The following ARB2A variants were observed in gnomAD, a reference collection of about 807,000 sequenced individuals.
The protein encoded by ARB2A is cotranscriptional regulator ARB2A.
At chr5:93,711,135 A>G in the ARB2A span, among the ~76,000 whole-genome samples, 1 of 152,092 alleles carries the variant, frequency 6.6e-6, no homozygotes, top group Admixed American at 6.5e-5. Context: ...TTTGGGAGAA[A>G]ACAAAATAAA....
the ARB2A span, chr5:94,053,213 T>C: frequency 4.5e-6 from 7 of 1,541,744 alleles, no homozygotes; most frequent in South Asian, 7.3e-5. Flanking sequence ...TCCAAATCTA[T>C]CCTAGATAAT....
the ARB2A span, among the ~76,000 whole-genome samples, chr5:93,908,772 T>C: frequency 6.6e-6 from 1 of 150,934 alleles, no homozygotes; most frequent in South Asian, 2.1e-4. Context: ...AAAGAGATTA[T>C]TAAAACAAAA....
the ARB2A span, among the ~76,000 whole-genome samples, chr5:93,665,496 T>G: frequency 5.9e-5 from 9 of 152,208 alleles, no homozygotes; most frequent in East Asian, 1.7e-3. Context: ...AAGCATAATG[T>G]AGAAGAAAGA....
the ARB2A span, among the ~76,000 whole-genome samples, chr5:93,894,768 G>A: frequency 1.3e-5 from 2 of 152,092 alleles, no homozygotes; most frequent in African/African-American, 2.4e-5. Flanking sequence ...GCTGAGAGCC[G>A]TGCAAAGCAA....
chr5:94,024,858 T>C, the ARB2A span, among the ~76,000 whole-genome samples: 1 of 152,028 alleles, frequency 6.6e-6, no homozygotes, highest in South Asian at 2.1e-4. Flanking sequence ...TAAAACAGCA[T>C]GATAAACTAA....
At chr5:94,001,904 T>C in the ARB2A span, among the ~76,000 whole-genome samples, 760 of 152,202 alleles carry the variant, frequency 5.0e-3, 6 homozygotes, top group African/African-American at 0.017. Flanking sequence ...GTAAAAGGAA[T>C]TGCTATAAAT....
At chr5:93,826,066 A>G in the ARB2A span, among the ~76,000 whole-genome samples, 3 of 152,138 alleles carry the variant, frequency 2.0e-5, no homozygotes, top group Admixed American at 2.0e-4. Context: ...ATGTCACTTA[A>G]GTTGCAAAAG....
chr5:93,645,576 G>GAAAAA, the ARB2A span, among the ~76,000 whole-genome samples: 1 of 90,118 alleles, frequency 1.1e-5, no homozygotes, highest in Non-Finnish European at 2.6e-5. Context: ...CCGTCTCAAA[G>GAAAAA]AAAAAAAAAA....
At chr5:93,710,248 TA>T in the ARB2A span, among the ~76,000 whole-genome samples, 1 of 152,192 alleles carries the variant, frequency 6.6e-6, no homozygotes, top group African/African-American at 2.4e-5. Context: ...TTTAATAGTT[TA>T]AAAATTTTTA....
At chr5:93,992,385 T>A in the ARB2A span, among the ~76,000 whole-genome samples, 2 of 152,046 alleles carry the variant, frequency 1.3e-5, no homozygotes, top group Non-Finnish European at 2.9e-5. Flanking sequence ...TCTATGAAGA[T>A]AAACTGTGGT....
At chr5:93,803,150 G>A in the ARB2A span, among the ~76,000 whole-genome samples, 4 of 152,176 alleles carry the variant, frequency 2.6e-5, no homozygotes, top group East Asian at 7.7e-4. Context: ...GCCTATCCAC[G>A]AGGAATGAGG....
At chr5:94,032,666 T>C in the ARB2A span, among the ~76,000 whole-genome samples, 46 of 152,128 alleles carry the variant, frequency 3.0e-4, no homozygotes, top group African/African-American at 1.0e-3. Context: ...AGCAAAGTCA[T>C]AGGGGCAGGA....
the ARB2A span, chr5:93,620,028 C>T: frequency 6.6e-6 from 1 of 152,190 alleles, no homozygotes; most frequent in East Asian, 1.9e-4. Flanking sequence ...CAGAATAGAT[C>T]ATTCTGGAAA....
the ARB2A span, among the ~76,000 whole-genome samples, chr5:94,098,202 C>T: frequency 6.6e-6 from 1 of 152,084 alleles, no homozygotes; most frequent in African/African-American, 2.4e-5. Context: ...CAAAAGACAG[C>T]AACAACAAAG....
the ARB2A span, among the ~76,000 whole-genome samples, chr5:94,073,285 T>C: frequency 2.6e-5 from 4 of 152,140 alleles, no homozygotes; most frequent in African/African-American, 9.7e-5. Context: ...CCTTAACCCT[T>C]ACACCCCCAT....
the ARB2A span, among the ~76,000 whole-genome samples, chr5:93,709,721 A>T: frequency 6.6e-6 from 1 of 151,642 alleles, no homozygotes; most frequent in African/African-American, 2.4e-5. Flanking sequence ...TTATTGTGTT[A>T]CATAGAATAA....
chr5:93,639,036 C>G, the ARB2A span, among the ~76,000 whole-genome samples: 2 of 152,090 alleles, frequency 1.3e-5, no homozygotes, highest in African/African-American at 4.8e-5. Flanking sequence ...AAACTATAAA[C>G]AAAATGTCTC....
chr5:93,878,114 T>C, the ARB2A span, among the ~76,000 whole-genome samples: 1 of 152,094 alleles, frequency 6.6e-6, no homozygotes, highest in African/African-American at 2.4e-5. Context: ...CTGGATTGAG[T>C]GGGAAGTCAA....
the ARB2A span, among the ~76,000 whole-genome samples, chr5:93,797,640 A>G: frequency 6.6e-6 from 1 of 152,158 alleles, no homozygotes; most frequent in African/African-American, 2.4e-5. Flanking sequence ...ACATTTTCAG[A>G]ATTTTAAAGT....
Sources: gnomAD v4.1 joint callset for allele counts (sites outside exome capture counted in the v4.1 genomes callset) on GRCh38, gnomAD v4.1.1 for gene constraint, MANE v1.5 for transcripts, NCBI Gene and HGNC (gene_info 2026-07-23, HGNC 2026-07-21) for gene names.